FCHSD2: variants seen among roughly 807,000 people sequenced by gnomAD.
The protein encoded by FCHSD2 is FCH and double SH3 domains 2.
FCHSD2 carries 38 observed loss-of-function variants against 108.1 expected under a neutral mutation model. The observed-to-expected ratio is 0.35, with a 90% CI of 0.27 to 0.46. The LOEUF (loss-of-function observed/expected upper bound fraction) is 0.46. Ranked by LOEUF, FCHSD2 falls within the 20% of genes least tolerant of loss-of-function variation. The pLI, the probability that FCHSD2 is intolerant of heterozygous loss-of-function variation, is 1.00. For synonymous variants in FCHSD2, 279 were observed against 314.7 expected (o/e 0.89, Z 1.20); for missense variants, 751 against 897.8 (o/e 0.84, Z 2.09).
chr11:72,995,700 T>C (rs1344200120), intron 5 of FCHSD2, among the ~76,000 whole-genome samples: 2 of 148,002 alleles, frequency 1.4e-5, no homozygotes, highest in Non-Finnish European at 3.0e-5. Context: ...CAGAGAAAAA[T>C]TCTGTCTCAA....
chr11:73,089,994 G>A (rs978872304), intron 2 of FCHSD2, among the ~76,000 whole-genome samples: 3 of 151,970 alleles, frequency 2.0e-5, no homozygotes, highest in Non-Finnish European at 4.4e-5. Flanking sequence ...TAAGTAGACA[G>A]AGATAATAAA....
intron 2 of FCHSD2, among the ~76,000 whole-genome samples, chr11:73,100,963 GT>G (rs1029529114): frequency 1.3e-5 from 2 of 150,906 alleles, no homozygotes; most frequent in Non-Finnish European, 2.9e-5. Context: ...ACAGACCCTT[GT>G]TTTTTACCAA....
chr11:72,993,608 G>A (rs988111516), intron 5 of FCHSD2, among the ~76,000 whole-genome samples: 3 of 152,094 alleles, frequency 2.0e-5, no homozygotes, highest in African/African-American at 4.8e-5. Flanking sequence ...GTCCTTTGTA[G>A]GGACATGGAT....
At chr11:73,038,325 G>A (rs1224701509) in intron 3 of FCHSD2, among the ~76,000 whole-genome samples, 1 of 149,886 alleles carries the variant, frequency 6.7e-6, no homozygotes, top group South Asian at 2.1e-4. Context: ...CTGGGTGACA[G>A]AGTAAGACCC....
chr11:72,887,812 G>C (rs1297084209), intron 11 of FCHSD2, among the ~76,000 whole-genome samples: 1 of 152,126 alleles, frequency 6.6e-6, no homozygotes, highest in African/African-American at 2.4e-5. Context: ...CGCCACATGA[G>C]AGACCCCAAG....
intron 3 of FCHSD2, among the ~76,000 whole-genome samples, chr11:73,070,651 C>G (rs1418685359): frequency 6.6e-6 from 1 of 151,978 alleles, no homozygotes; most frequent in East Asian, 1.9e-4. Flanking sequence ...GTCTCGAACT[C>G]CTGGCCTCAA....
chr11:72,863,695 TCAC>T (rs1173710653), intron 13 of FCHSD2, among the ~76,000 whole-genome samples: 3 of 152,064 alleles, frequency 2.0e-5, no homozygotes, highest in Non-Finnish European at 4.4e-5. Context: ...AACAGACACT[TCAC>T]CAAAGAAAAT....
chr11:73,027,421 G>A (rs1300650667), intron 3 of FCHSD2, among the ~76,000 whole-genome samples: 2 of 152,150 alleles, frequency 1.3e-5, no homozygotes, highest in Admixed American at 1.3e-4. Context: ...AAATTTCTAA[G>A]CAGCAAAGCA....
intron 9 of FCHSD2, among the ~76,000 whole-genome samples, chr11:72,913,536 T>C (rs929037054): frequency 6.6e-6 from 1 of 152,214 alleles, no homozygotes; most frequent in African/African-American, 2.4e-5. Context: ...CCCAAAGTGC[T>C]GTGATTACAT....
chr11:73,073,471 G>A (rs1041219851), intron 3 of FCHSD2, among the ~76,000 whole-genome samples: 7 of 152,014 alleles, frequency 4.6e-5, no homozygotes, highest in Non-Finnish European at 8.8e-5. Context: ...TTCTAACATC[G>A]CCCTAAAGAG....
chr11:72,973,091 G>A (rs1260577253), intron 8 of FCHSD2, among the ~76,000 whole-genome samples: 1 of 152,142 alleles, frequency 6.6e-6, no homozygotes, highest in Non-Finnish European at 1.5e-5. Flanking sequence ...AGTTATGGCC[G>A]GGCGCGGTGG....
chr11:72,841,934 G>T (rs891661195), intron 17 of FCHSD2, among the ~76,000 whole-genome samples: 4 of 152,142 alleles, frequency 2.6e-5, no homozygotes, highest in African/African-American at 9.7e-5. Flanking sequence ...TGGATTTTTT[G>T]GGGTGAAGAT....
At chr11:72,990,217 G>A (rs893788723) in intron 5 of FCHSD2, among the ~76,000 whole-genome samples, 1 of 152,052 alleles carries the variant, frequency 6.6e-6, no homozygotes, top group Non-Finnish European at 1.5e-5. Flanking sequence ...ACGAAACTGG[G>A]CCTTTGCTTA....
intron 2 of FCHSD2, among the ~76,000 whole-genome samples, chr11:73,113,822 CTA>C (rs1860547687): frequency 6.6e-6 from 1 of 152,132 alleles, no homozygotes; most frequent in Non-Finnish European, 1.5e-5. Flanking sequence ...CCCAGTAATG[CTA>C]TGTTTCTTGA....
intron 3 of FCHSD2, among the ~76,000 whole-genome samples, chr11:73,018,753 T>A (rs1050739229): frequency 2.6e-4 from 40 of 152,292 alleles, no homozygotes; most frequent in African/African-American, 9.1e-4. Context: ...CTGTATCAGA[T>A]TTCTGAGATT....
intron 2 of FCHSD2, among the ~76,000 whole-genome samples, chr11:73,108,694 G>A (rs1223301173): frequency 3.9e-5 from 6 of 152,092 alleles, no homozygotes; most frequent in South Asian, 4.2e-4. Flanking sequence ...TCAGCCTCCC[G>A]AGTAGCTGGG....
At chr11:73,131,655 G>A (rs938274615) in intron 2 of FCHSD2, among the ~76,000 whole-genome samples, 2 of 150,202 alleles carry the variant, frequency 1.3e-5, no homozygotes, top group Non-Finnish European at 1.5e-5. Context: ...AGTAAGCCAA[G>A]ATCGCACCAC....
At chr11:73,083,481 G>C (rs978998699) in intron 3 of FCHSD2, among the ~76,000 whole-genome samples, 1 of 151,854 alleles carries the variant, frequency 6.6e-6, no homozygotes, top group Non-Finnish European at 1.5e-5. Flanking sequence ...CCTGAGAGGC[G>C]GAGGTTGCAG....
intron 3 of FCHSD2, among the ~76,000 whole-genome samples, chr11:73,016,119 A>G (rs574367772): frequency 4.9e-4 from 74 of 152,262 alleles, no homozygotes; most frequent in African/African-American, 1.7e-3. Flanking sequence ...CTTGGCCAAC[A>G]TGGTGAAAAT....
Sources: allele counts gnomAD v4.1 joint callset (sites outside exome capture counted in the v4.1 genomes callset), GRCh38; gene constraint gnomAD v4.1.1; transcripts MANE v1.5; gene names NCBI Gene and HGNC (gene_info 2026-07-23, HGNC 2026-07-21).